Variants in BANK1 observed in about 807,000 individuals in gnomAD.
The protein encoded by BANK1 is B-cell scaffold protein with ankyrin repeats.
BANK1 carries 95 observed loss-of-function variants against 94.5 expected under a neutral mutation model. The ratio of observed to expected loss-of-function variants is 1.00; its 90% confidence interval spans 0.85 to 1.19. The LOEUF is 1.19. Among genes scored for constraint, BANK1 ranks in the 50% most tolerant of loss-of-function variants. The probability of loss-of-function intolerance (pLI) is 0.00; values close to 1 mark genes in which losing one functional copy is unlikely to be tolerated. For missense variants in BANK1, 987 were observed against 932.2 expected, an observed-to-expected ratio of 1.06 and a Z score of -0.77; for synonymous variants, 334 against 308.4, an observed-to-expected ratio of 1.08 and a Z score of -0.87.
chr4:102,036,138 A>G (rs1727508083), intron 10 of BANK1, among the ~76,000 whole-genome samples: 2 of 152,252 alleles, frequency 1.3e-5, no homozygotes, highest in South Asian at 4.1e-4. Context: ...TTCTGGTAGA[A>G]TATAATTTCC....
chr4:102,010,386 A>G (rs1726465078), intron 7 of BANK1, among the ~76,000 whole-genome samples: 1 of 151,336 alleles, frequency 6.6e-6, no homozygotes, highest in South Asian at 2.1e-4. Context: ...TAGTTTGATT[A>G]ATTTCTTTTT....
chr4:101,991,094 A>C (rs1227927152), intron 7 of BANK1, among the ~76,000 whole-genome samples: 2 of 152,212 alleles, frequency 1.3e-5, no homozygotes, highest in Non-Finnish European at 2.9e-5. Context: ...CGTTTTGTAT[A>C]TGAGAAAATG....
chr4:101,959,452 TC>T (rs1386340379), intron 7 of BANK1, among the ~76,000 whole-genome samples: 1 of 152,136 alleles, frequency 6.6e-6, no homozygotes, highest in African/African-American at 2.4e-5. Context: ...AGAGTAGATT[TC>T]TGAGGTTCTG....
chr4:101,956,144 A>C (rs980174773), intron 7 of BANK1, among the ~76,000 whole-genome samples: 15 of 152,188 alleles, frequency 9.9e-5, no homozygotes, highest in Admixed American at 8.5e-4. Context: ...GAAATACAAA[A>C]AAAATATAAT....
At chr4:101,832,098 A>C (rs1022397763) in intron 2 of BANK1, among the ~76,000 whole-genome samples, 6 of 152,218 alleles carry the variant, frequency 3.9e-5, no homozygotes, top group African/African-American at 1.4e-4. Flanking sequence ...TGAATGTTTA[A>C]GAGTTTGTCT....
At chr4:101,986,823 GTATATATA>G (rs1220440201) in intron 7 of BANK1, among the ~76,000 whole-genome samples, 1 of 115,408 alleles carries the variant, frequency 8.7e-6, no homozygotes, top group African/African-American at 3.4e-5. Flanking sequence ...ATATATATGT[GTATATATA>G]TGTATATATA....
At chr4:101,886,634 A>G (rs910666719) in intron 5 of BANK1, among the ~76,000 whole-genome samples, 4 of 152,186 alleles carry the variant, frequency 2.6e-5, no homozygotes, top group African/African-American at 9.7e-5. Context: ...TTTAATGCCT[A>G]CAATAGAAAC....
intron 7 of BANK1, among the ~76,000 whole-genome samples, chr4:101,945,168 A>T (rs949887830): frequency 2.0e-5 from 3 of 151,990 alleles, no homozygotes; most frequent in African/African-American, 7.2e-5. Context: ...CCCCCTTTGG[A>T]GACTTTAAAT....
At chr4:102,023,418 C>T (rs190607837) in intron 8 of BANK1, among the ~76,000 whole-genome samples, 81 of 152,162 alleles carry the variant, frequency 5.3e-4, no homozygotes, top group African/African-American at 1.6e-3. Flanking sequence ...TTTATCATGA[C>T]GTTTAATTTT....
At chr4:101,979,343 C>T (rs1725247733) in intron 7 of BANK1, among the ~76,000 whole-genome samples, 2 of 151,634 alleles carry the variant, frequency 1.3e-5, no homozygotes, top group Admixed American at 1.3e-4. Flanking sequence ...CAGTGGAAAC[C>T]AATAAAGCTG....
chr4:102,001,095 G>A (rs1726051656), intron 7 of BANK1, among the ~76,000 whole-genome samples: 2 of 152,210 alleles, frequency 1.3e-5, no homozygotes, highest in East Asian at 1.9e-4. Flanking sequence ...TAAAAATAAG[G>A]GCATGCAGCA....
At position 101,918,013 on chromosome 4, in the gene BANK1, C is replaced by G. The variant is rs747333930; in HGVS notation, c.1030C>G (p.Pro344Ala). Residue 344 changes from proline to alanine, a missense_variant, in exon 7 of 17, where the codon CCA (proline) becomes GCA (alanine). Transcript: ENST00000322953. Reference protein sequence around the residue: ...QNKYTHFKELPTLLHCAAKFG... With the variant: ...QNKYTHFKELATLLHCAAKFG... ...TACAGATACTCATTTCAAAGAACTT[C>G]CAACTCTTCTCCACTGTGCAGCAAA... 1 of 1,607,296 alleles carries G rather than the reference C, an allele frequency of 6.2e-7. No individual in the cohort carries two copies. Among genetic ancestry groups the G allele is most frequent in the Non-Finnish European group, 8.5e-7 (1 of 1,175,402 alleles).
At chr4:102,044,439 C>A (rs1578476303) in intron 11 of BANK1, among the ~76,000 whole-genome samples, 1 of 151,870 alleles carries the variant, frequency 6.6e-6, no homozygotes, top group East Asian at 1.9e-4. Context: ...CATTGTTGGA[C>A]ATTTGGGTTG....
intron 1 of BANK1, among the ~76,000 whole-genome samples, chr4:101,793,198 A>G (rs1212315331): frequency 2.0e-5 from 3 of 152,222 alleles, no homozygotes; most frequent in Non-Finnish European, 4.4e-5. Context: ...CTGGATGCTT[A>G]TACTTGTAAG....
chr4:101,899,753 A>C (rs1048055978), intron 6 of BANK1, among the ~76,000 whole-genome samples: 3 of 152,182 alleles, frequency 2.0e-5, no homozygotes, highest in African/African-American at 7.2e-5. Flanking sequence ...TGATACCAGG[A>C]TGAGAATTTG....
intron 13 of BANK1, among the ~76,000 whole-genome samples, chr4:102,070,876 T>G (rs1728734206): frequency 6.6e-6 from 1 of 152,216 alleles, no homozygotes; most frequent in African/African-American, 2.4e-5. Context: ...TACATGGCCA[T>G]ATGTATTTCT....
At position 102,049,261 on chromosome 4, in the gene BANK1, A is replaced by T. The variant is rs547939823; in HGVS notation, c.1969+5354A>T. ...ATTAGAAGATTTCTAAGTGAACATG[A>T]TCAAGTCAAAAATGTTGAAAGAATT... On this transcript the variant is annotated intron_variant, in intron 11 of 16. Coordinates refer to ENST00000322953, the MANE Select transcript of BANK1 (RefSeq NM_017935.5). 3.9e-5 allele frequency among the ~76,000 whole-genome samples: 6 copies of T among 152,350 alleles called. No individual in the cohort carries two copies. The East Asian group carries it at 1.2e-3, about 29-fold the overall frequency.
chr4:101,899,549 A>T (rs952692838), intron 6 of BANK1, among the ~76,000 whole-genome samples: 2 of 152,172 alleles, frequency 1.3e-5, no homozygotes, highest in African/African-American at 4.8e-5. Context: ...TACCTGCGTA[A>T]CCAAAAAAAG....
chr4:101,956,056 A>AT (rs1560651613), intron 7 of BANK1, among the ~76,000 whole-genome samples: 2 of 152,196 alleles, frequency 1.3e-5, no homozygotes, highest in African/African-American at 2.4e-5. Flanking sequence ...ACTCCTATAG[A>AT]TTTTTTTAGA....
Sources: gnomAD v4.1 joint callset for allele counts (sites outside exome capture counted in the v4.1 genomes callset) on GRCh38, gnomAD v4.1.1 for gene constraint, MANE v1.5 for transcripts, NCBI Gene and HGNC (gene_info 2026-07-23, HGNC 2026-07-21) for gene names.